The following CDH13 variants were observed in gnomAD, a reference collection of about 807,000 sequenced individuals.
CDH13 encodes the protein cadherin-13.
In CDH13, 24 loss-of-function variants were observed where a neutral mutation model predicts 63.8. The observed-to-expected ratio is 0.38, with a 90% CI of 0.27 to 0.53. CDH13 has a LOEUF of 0.53. CDH13 is among the 20% of genes least tolerant of loss of function. CDH13 has a pLI of 0.85. For synonymous variants in CDH13, 503 were observed against 355.3 expected (o/e 1.42, Z -4.67); for missense variants, 1,049 against 903.1 (o/e 1.16, Z -2.07).
intron 3 of CDH13, among the ~76,000 whole-genome samples, chr16:83,120,354 T>C (rs2035509596): frequency 6.6e-6 from 1 of 152,206 alleles, no homozygotes; most frequent in African/African-American, 2.4e-5. Flanking sequence ...CTGACCACTC[T>C]GGACACCCGT....
chr16:82,627,449 C>T (rs139266998), intron 1 of CDH13, among the ~76,000 whole-genome samples: 145 of 152,112 alleles, frequency 9.5e-4, no homozygotes, highest in African/African-American at 3.3e-3. Context: ...CATTCTCGCC[C>T]ACATCAAGTG....
intron 7 of CDH13, among the ~76,000 whole-genome samples, chr16:83,556,116 G>T (rs1182357939): frequency 6.6e-6 from 1 of 152,084 alleles, no homozygotes; most frequent in Non-Finnish European, 1.5e-5. Flanking sequence ...ATAAAAGTTA[G>T]TCTTTCATGT....
At chr16:83,775,318 A>G (rs1915033614) in intron 11 of CDH13, among the ~76,000 whole-genome samples, 1 of 151,712 alleles carries the variant, frequency 6.6e-6, no homozygotes. Flanking sequence ...GTTTCTCTGG[A>G]GGCAGGGGCC....
intron 2 of CDH13, among the ~76,000 whole-genome samples, chr16:82,883,781 C>T (rs191000978): frequency 1.2e-4 from 18 of 152,318 alleles, no homozygotes; most frequent in African/African-American, 4.1e-4. Context: ...TCATGGTCTT[C>T]CCCATCTTGG....
intron 3 of CDH13, among the ~76,000 whole-genome samples, chr16:83,101,291 T>A (rs1232466531): frequency 1.3e-5 from 2 of 150,534 alleles, no homozygotes; most frequent in Non-Finnish European, 3.0e-5. Flanking sequence ...ATATATACTT[T>A]ATGTGTATTA....
chr16:83,792,174 G>A (rs1163058748), intron 13 of CDH13, among the ~76,000 whole-genome samples: 2 of 152,240 alleles, frequency 1.3e-5, no homozygotes, highest in African/African-American at 4.8e-5. Flanking sequence ...GCTGTCTTCG[G>A]CCTGCAGACG....
At chr16:83,108,788 A>G (rs2034910338) in intron 3 of CDH13, among the ~76,000 whole-genome samples, 1 of 152,134 alleles carries the variant, frequency 6.6e-6, no homozygotes, top group Admixed American at 6.5e-5. Flanking sequence ...GCCTTATCAC[A>G]AGCCTAGAGA....
At position 83,748,159 on chromosome 16, in the gene CDH13, T is replaced by C. The variant is rs779811631; in HGVS notation, c.1590T>C (p.Asn530=). 10 of 1,613,852 alleles carry C rather than the reference T, an allele frequency of 6.2e-6. No homozygotes were observed. Among genetic ancestry groups the C allele is most frequent in the Admixed American group, 3.3e-5 (2 of 60,002 alleles). ...GTTGGCTGAATATTAACCCCATCAATGGGACTGTTGACACCACAGCTGTGC... is the reference window on the plus strand; with the variant it reads ...GTTGGCTGAATATTAACCCCATCAACGGGACTGTTGACACCACAGCTGTGC... ...PAGWLNINPI[N]GTVDTTAVLD... The change falls in exon 11 of 14, where the codon AAT becomes AAC. Residue 530 remains asparagine (N), a synonymous_variant. Transcript: ENST00000567109.
intron 5 of CDH13, among the ~76,000 whole-genome samples, chr16:83,266,140 A>T (rs925178529): frequency 2.0e-5 from 3 of 151,774 alleles, no homozygotes; most frequent in Non-Finnish European, 4.4e-5. Flanking sequence ...TTTTTACCAC[A>T]TTGGCCAGGC....
intron 1 of CDH13, among the ~76,000 whole-genome samples, chr16:82,796,016 C>T (rs1266943153): frequency 6.6e-6 from 1 of 150,964 alleles, no homozygotes; most frequent in Non-Finnish European, 1.5e-5. Flanking sequence ...GCTTTTGGGC[C>T]TGGGATACAA....
At chr16:83,234,653 G>A (rs566517761) in intron 5 of CDH13, among the ~76,000 whole-genome samples, 3 of 152,194 alleles carry the variant, frequency 2.0e-5, no homozygotes, top group Non-Finnish European at 4.4e-5. Context: ...CATGCCGGGG[G>A]CATTGTTCTA....
chr16:82,784,239 A>T (rs1032668555), intron 1 of CDH13, among the ~76,000 whole-genome samples: 1 of 152,192 alleles, frequency 6.6e-6, no homozygotes, highest in African/African-American at 2.4e-5. Flanking sequence ...CATTTTCAAC[A>T]TCTGGTCTTC....
At chr16:83,538,942 C>A (rs2075247979) in intron 7 of CDH13, among the ~76,000 whole-genome samples, 1 of 152,128 alleles carries the variant, frequency 6.6e-6, no homozygotes, top group Non-Finnish European at 1.5e-5. Context: ...TTTCAACTAC[C>A]AGGGCACACA....
At chr16:83,525,896 C>G (rs1813737345) in intron 7 of CDH13, among the ~76,000 whole-genome samples, 1 of 152,134 alleles carries the variant, frequency 6.6e-6, no homozygotes, top group Non-Finnish European at 1.5e-5. Flanking sequence ...GGAGGGGCCA[C>G]AAACCAAGGA....
In CDH13 at chr16:83,585,973, A is replaced by C. The variant is rs116642275; in HGVS notation, c.961-16481A>C. ...CATAGGAGCTATGTGTCCCAGGACA[A>C]AAGAATCCTCAACTGCACAATGAAC... On this transcript the variant is annotated intron_variant, in intron 7 of 13. Transcript: ENST00000567109. Among the ~76,000 whole-genome samples the C allele has an allele frequency of 5.4e-3, 819 of 152,318 alleles. 6 individuals are homozygous for C. Among genetic ancestry groups the C allele is most frequent in the African/African-American group, 0.019 (770 of 41,576 alleles).
chr16:83,095,306 A>G (rs1356008222), intron 3 of CDH13, among the ~76,000 whole-genome samples: 1 of 152,208 alleles, frequency 6.6e-6, no homozygotes, highest in Non-Finnish European at 1.5e-5. Context: ...TCAACATGGT[A>G]CTGGTGTAGT....
chr16:83,330,309 G>A (rs1412110754), intron 5 of CDH13, among the ~76,000 whole-genome samples: 1 of 152,284 alleles, frequency 6.6e-6, no homozygotes. Context: ...CTGTCCTATA[G>A]TTTTGTAAGA....
intron 6 of CDH13, among the ~76,000 whole-genome samples, chr16:83,382,760 T>C (rs1489500468): frequency 6.6e-6 from 1 of 152,208 alleles, no homozygotes; most frequent in Non-Finnish European, 1.5e-5. Context: ...CCTAGTGATG[T>C]CTCTTTTTCA....
At chr16:83,278,606 C>G (rs56059690) in intron 5 of CDH13, among the ~76,000 whole-genome samples, 1 of 152,204 alleles carries the variant, frequency 6.6e-6, no homozygotes, top group African/African-American at 2.4e-5. Context: ...GAAAAACTGT[C>G]TAAATCCGTT....
Sources: gnomAD v4.1 joint callset for allele counts (sites outside exome capture counted in the v4.1 genomes callset) on GRCh38, gnomAD v4.1.1 for gene constraint, MANE v1.5 for transcripts, NCBI Gene and HGNC (gene_info 2026-07-23, HGNC 2026-07-21) for gene names.